The following PRKG1 variants were observed in gnomAD, a reference collection of about 807,000 sequenced individuals.
The protein encoded by PRKG1 is cGMP-dependent protein kinase 1.
Under a neutral mutation model 88.1 loss-of-function variants are expected in PRKG1, and 35 were observed. The observed-to-expected ratio is 0.40, with a 90% confidence interval of 0.30 to 0.53. The LOEUF (loss-of-function observed/expected upper bound fraction) is 0.53. Among genes scored for constraint, PRKG1 ranks in the 20% least tolerant of loss-of-function variants. The probability of loss-of-function intolerance (pLI) is 0.59; values close to 1 mark genes in which losing one functional copy is unlikely to be tolerated. For missense variants in PRKG1, 540 were observed against 839.8 expected (o/e 0.64, Z 4.41); for synonymous variants, 303 against 292.5 (o/e 1.04, Z -0.37).
chr10:51,660,853 C>A (rs963262186), intron 3 of PRKG1, among the ~76,000 whole-genome samples: 1 of 152,002 alleles, frequency 6.6e-6, no homozygotes, highest in Non-Finnish European at 1.5e-5. Flanking sequence ...GATTGCAAAG[C>A]TTAATTTAAT....
At chr10:51,342,240 T>A (rs996174473) in intron 2 of PRKG1, among the ~76,000 whole-genome samples, 7 of 152,292 alleles carry the variant, frequency 4.6e-5, no homozygotes, top group Admixed American at 1.3e-4. Flanking sequence ...GAAGGGGGAA[T>A]GAGTTTTTGT....
chr10:51,529,707 A>G (rs76726835), intron 3 of PRKG1, among the ~76,000 whole-genome samples: 48 of 121,734 alleles, frequency 3.9e-4, no homozygotes, highest in Non-Finnish European at 7.6e-4. Flanking sequence ...CAGTCCTCTT[A>G]TTTTTCTTCA....
At chr10:52,229,405 A>C (rs1411103095) in intron 9 of PRKG1, among the ~76,000 whole-genome samples, 1 of 152,188 alleles carries the variant, frequency 6.6e-6, no homozygotes, top group Non-Finnish European at 1.5e-5. Flanking sequence ...CCTCTGGAAC[A>C]TGGCCAGGTC....
chr10:51,025,250 C>A (rs78442119), intron 1 of PRKG1, among the ~76,000 whole-genome samples: 6,355 of 152,246 alleles, frequency 0.042, 318 homozygotes, highest in African/African-American at 0.12. Flanking sequence ...TCTCCTCCCC[C>A]AGCTTTATCC....
At chr10:52,019,170 C>CT (rs751459696) in intron 5 of PRKG1, among the ~76,000 whole-genome samples, 29 of 152,074 alleles carry the variant, frequency 1.9e-4, no homozygotes, top group Non-Finnish European at 3.5e-4. Context: ...AACTCAGTCA[C>CT]CCCACGGAGG....
intron 3 of PRKG1, among the ~76,000 whole-genome samples, chr10:51,783,099 A>G (rs1015522521): frequency 1.3e-5 from 2 of 152,044 alleles, no homozygotes; most frequent in African/African-American, 2.4e-5. Context: ...AAAACAAAAT[A>G]AAACTATTCT....
chr10:51,254,009 T>C (rs1839491165), intron 2 of PRKG1, among the ~76,000 whole-genome samples: 1 of 151,948 alleles, frequency 6.6e-6, no homozygotes, highest in Non-Finnish European at 1.5e-5. Context: ...AATTTGAGAG[T>C]TCATCCTCAT....
chr10:51,153,394 A>G lies in PRKG1; in HGVS notation c.478+64A>G, dbSNP rs542236297. On this transcript the variant is annotated intron_variant, in intron 2 of 17. Coordinates refer to ENST00000373980, the MANE Select transcript of PRKG1 (RefSeq NM_006258.4). ...TCTTTTTTCATCTTATCAGCTGCAC[A>G]CAGATGGCAATGCATTACATGGAAA... The G allele has an allele frequency of 7.2e-5, 103 of 1,436,808 alleles. No homozygotes were observed. In the African/African-American group the frequency reaches 1.4e-3, roughly 20 times the overall value. 89.0% of individuals were successfully genotyped at this position (1,436,808 alleles called of 1,614,324 possible).
intron 1 of PRKG1, among the ~76,000 whole-genome samples, chr10:51,077,477 T>C (rs1180813723): frequency 6.6e-6 from 1 of 152,250 alleles, no homozygotes; most frequent in African/African-American, 2.4e-5. Flanking sequence ...TATGCAAATA[T>C]ATCTGTTTAG....
intron 3 of PRKG1, among the ~76,000 whole-genome samples, chr10:51,615,483 C>G (rs1839025684): frequency 6.6e-6 from 1 of 152,020 alleles, no homozygotes; most frequent in African/African-American, 2.4e-5. Context: ...TATTTTGTCA[C>G]TTTATGGTGT....
intron 4 of PRKG1, among the ~76,000 whole-genome samples, chr10:51,810,534 G>T (rs997433203): frequency 2.6e-5 from 4 of 152,132 alleles, no homozygotes; most frequent in Non-Finnish European, 4.4e-5. Context: ...AGATTTTAGT[G>T]CTGTGTAAAG....
At chr10:52,070,257 C>T (rs1846463353) in intron 7 of PRKG1, among the ~76,000 whole-genome samples, 1 of 152,138 alleles carries the variant, frequency 6.6e-6, no homozygotes, top group Non-Finnish European at 1.5e-5. Flanking sequence ...TTGGTTTATA[C>T]CTTCTGCCCT....
In PRKG1 at chr10:51,206,365, C is replaced by T. The variant is rs373296533; in HGVS notation, c.478+53035C>T. On this transcript the variant is annotated intron_variant, in intron 2 of 17. Coordinates refer to ENST00000373980, the MANE Select transcript of PRKG1 (RefSeq NM_006258.4). ...AAAATTAGCCAGGCGTGGGGGTGGG[C>T]GCCTGTAATCCCAGCTACTTGGGAG... Among the ~76,000 whole-genome samples the T allele has an allele frequency of 7.9e-5, 12 of 151,704 alleles. No individual in the cohort carries two copies. In the East Asian group the frequency reaches 1.4e-3, roughly 17 times the overall value.
Position 51,200,925 on chromosome 10 carries a change from G to A in PRKG1, c.478+47595G>A, listed in dbSNP as rs117942908. On this transcript the variant is annotated intron_variant, in intron 2 of 17. Coordinates refer to ENST00000373980, the MANE Select transcript of PRKG1 (RefSeq NM_006258.4). ...CTACAGCTCAGAGATTCTCTTGAGG[G>A]TTTTAGGGAAAGATTTGGCTCTTTC... Among the ~76,000 whole-genome samples the A allele has an allele frequency of 1.6e-3, 249 of 152,194 alleles. 1 individual carries two copies. Among genetic ancestry groups the A allele is most frequent in the Middle Eastern group, 6.8e-3 (2 of 294 alleles).
At chr10:51,344,833 G>T (rs2065132977) in intron 2 of PRKG1, among the ~76,000 whole-genome samples, 1 of 152,172 alleles carries the variant, frequency 6.6e-6, no homozygotes, top group Admixed American at 6.5e-5. Flanking sequence ...ACAAGTCAAG[G>T]TAATTGCTTG....
At chr10:51,153,452 G>T in intron 2 of PRKG1, 122 bp downstream of exon 2, 1 of 994,798 alleles carries the variant, frequency 1.0e-6, no homozygotes, top group Non-Finnish European at 1.4e-6. Context: ...TGAGAAATTA[G>T]TTTGAGAAGA....
chr10:51,293,480 C>T lies in PRKG1; in HGVS notation c.478+140150C>T, dbSNP rs1207776780. Among the ~76,000 whole-genome samples the T allele has an allele frequency of 2.6e-5, 4 of 152,070 alleles. No individual in the cohort carries two copies. The East Asian group carries it at 7.7e-4, about 29-fold the overall frequency. The stretch of plus-strand genomic sequence containing the variant: ...CAAGGTGAGATCATGCAATAGTTGT[C>T]TTTCTATGTTTGGCTTATTTCACTT... On this transcript the variant is annotated intron_variant, in intron 2 of 17. Transcript: ENST00000373980.
chr10:52,163,990 T>C (rs1421314091), intron 9 of PRKG1, among the ~76,000 whole-genome samples: 4 of 152,176 alleles, frequency 2.6e-5, no homozygotes, highest in South Asian at 2.1e-4. Flanking sequence ...ATCTCAGTTT[T>C]CACATTTTTA....
intron 9 of PRKG1, among the ~76,000 whole-genome samples, chr10:52,212,896 GA>G (rs1026560122): frequency 6.6e-6 from 1 of 152,108 alleles, no homozygotes; most frequent in Non-Finnish European, 1.5e-5. Context: ...AACACTAAAA[GA>G]AAATTGAACA....
Sources: allele counts gnomAD v4.1 joint callset (sites outside exome capture counted in the v4.1 genomes callset), GRCh38; gene constraint gnomAD v4.1.1; transcripts MANE v1.5; gene names NCBI Gene and HGNC (gene_info 2026-07-23, HGNC 2026-07-21).